FGD4: variants seen among roughly 807,000 people sequenced by gnomAD.
FGD4 encodes FYVE, RhoGEF and PH domain containing 4.
FGD4 carries 42 observed loss-of-function variants against 102.0 expected under a neutral mutation model. The observed-to-expected ratio is 0.41, with a 90% CI of 0.32 to 0.53. The LOEUF (loss-of-function observed/expected upper bound fraction) is 0.53, where lower values mean the gene tolerates loss of function less well. Ranked by LOEUF, FGD4 falls within the 20% of genes least tolerant of loss-of-function variation. The pLI, the probability that FGD4 is intolerant of heterozygous loss-of-function variation, is 0.21. For missense variants in FGD4, 902 were observed against 1,078.2 expected, an observed-to-expected ratio of 0.84 and a Z score of 2.29; for synonymous variants, 380 against 375.7, an observed-to-expected ratio of 1.01 and a Z score of -0.13.
rs116076031 is a variant in FGD4 at position 32,566,975 on chromosome 12, C to T, written c.319+2686C>T. On this transcript the variant is annotated intron_variant, in intron 2 of 16. Transcript: ENST00000534526. ...AAAGCAGATAAACTGTTAAGTCTGCCTTTCTTCCTGGTCCAGGGCGTGTAG... is the reference window on the plus strand; with the variant it reads ...AAAGCAGATAAACTGTTAAGTCTGCTTTTCTTCCTGGTCCAGGGCGTGTAG... 3.5e-3 allele frequency among the ~76,000 whole-genome samples: 527 copies of T among 152,300 alleles called. 2 individuals carry two copies. Among genetic ancestry groups the T allele is most frequent in the African/African-American group, 0.012 (501 of 41,554 alleles).
At chr12:32,420,922 C>T (rs552221730) in intron 1 of FGD4, among the ~76,000 whole-genome samples, 1 of 152,152 alleles carries the variant, frequency 6.6e-6, no homozygotes, top group Admixed American at 6.6e-5. Flanking sequence ...GACAGGGTCT[C>T]CACTCTTTCA....
At chr12:32,512,883 G>A (rs888278521) in intron 1 of FGD4, among the ~76,000 whole-genome samples, 5 of 152,288 alleles carry the variant, frequency 3.3e-5, no homozygotes, top group African/African-American at 9.6e-5. Context: ...CAGAAAGAGG[G>A]AAGGGCATGG....
In FGD4 at chr12:32,467,897, T is replaced by G. The variant is rs1466726824; in HGVS notation, c.166+67938T>G. 2.6e-5 allele frequency among the ~76,000 whole-genome samples: 4 copies of G among 152,198 alleles called. No homozygotes were observed. The East Asian group carries it at 7.7e-4, about 29-fold the overall frequency. On this transcript the variant is annotated intron_variant, in intron 1 of 16. Coordinates refer to ENST00000534526, the MANE Select transcript of FGD4 (RefSeq NM_001370298.3). ...CGAGAGTTGTGGTGGGTGCCTGTAA[T>G]CCCAGCTACTCGGGAGGCTGAGGCA...
intron 5 of FGD4, chr12:32,600,581 T>G: frequency 2.8e-6 from 1 of 360,678 alleles, no homozygotes; most frequent in Non-Finnish European, 3.8e-6. Flanking sequence ...TCTTTCTTTC[T>G]TTCTTTCTTT....
chr12:32,549,317 G>A (rs1056162384), intron 1 of FGD4, among the ~76,000 whole-genome samples: 1 of 152,126 alleles, frequency 6.6e-6, no homozygotes, highest in African/African-American at 2.4e-5. Flanking sequence ...GTTGTCCCAG[G>A]GCCTGTGGCA....
intron 1 of FGD4, chr12:32,486,134 A>AT: frequency 6.5e-7 from 1 of 1,529,676 alleles, no homozygotes; most frequent in Non-Finnish European, 8.7e-7. Context: ...AGAATCTTTT[A>AT]TGGGGGGCTG....
chr12:32,569,148 C>G (rs1206054325), intron 2 of FGD4, among the ~76,000 whole-genome samples: 3 of 152,228 alleles, frequency 2.0e-5, no homozygotes, highest in Middle Eastern at 3.4e-3. Context: ...AAAAATTTAC[C>G]TAGAATCCAA....
chr12:32,543,751 C>A (rs1943023426), intron 1 of FGD4, among the ~76,000 whole-genome samples: 1 of 152,124 alleles, frequency 6.6e-6, no homozygotes, highest in Non-Finnish European at 1.5e-5. Flanking sequence ...CTCAGCCTCC[C>A]AAGTAGCTGG....
In FGD4 at chr12:32,586,849, T is replaced by G. The variant is rs537766742; in HGVS notation, c.1011+4382T>G. On this transcript the variant is annotated intron_variant, in intron 4 of 16. Coordinates refer to ENST00000534526, the MANE Select transcript of FGD4 (RefSeq NM_001370298.3). The stretch of plus-strand genomic sequence containing the variant: ...AAAAATAAATTACATTTTGCAATAC[T>G]GAATTGAGGGGCTTCTTGGAAGTCC... Among the ~76,000 whole-genome samples, 8 of 152,284 alleles carry G rather than the reference T, an allele frequency of 5.3e-5. No homozygotes were observed. The South Asian group carries it at 1.2e-3, about 24-fold the overall frequency.
At chr12:32,624,245 C>A (rs1402458532) in intron 11 of FGD4, among the ~76,000 whole-genome samples, 177 bp from the exon 12 acceptor site, 1 of 152,138 alleles carries the variant, frequency 6.6e-6, no homozygotes, top group Non-Finnish European at 1.5e-5. Context: ...ATAGTCTGAA[C>A]CTCTACTTAA....
intron 1 of FGD4, among the ~76,000 whole-genome samples, chr12:32,547,727 G>A (rs1943336439): frequency 1.3e-5 from 2 of 152,158 alleles, no homozygotes; most frequent in African/African-American, 4.8e-5. Context: ...TCTTTTTTAA[G>A]ACGGAGTCTC....
intron 1 of FGD4, among the ~76,000 whole-genome samples, chr12:32,560,800 C>G (rs184662653): frequency 6.6e-5 from 10 of 151,432 alleles, no homozygotes; most frequent in African/African-American, 2.2e-4. Flanking sequence ...TCAAGAGATC[C>G]TCTCACCTCA....
chr12:32,472,568 C>T (rs1469899948), intron 1 of FGD4, among the ~76,000 whole-genome samples: 1 of 152,242 alleles, frequency 6.6e-6, no homozygotes, highest in African/African-American at 2.4e-5. Flanking sequence ...ATGCCTGAGC[C>T]TCCCACCCAC....
At chr12:32,496,367 A>C (rs1176106266) in intron 1 of FGD4, among the ~76,000 whole-genome samples, 1 of 152,176 alleles carries the variant, frequency 6.6e-6, no homozygotes, top group Non-Finnish European at 1.5e-5. Context: ...GCTTTTGCAG[A>C]ATGTCTGTGT....
intron 1 of FGD4, among the ~76,000 whole-genome samples, chr12:32,462,929 G>A (rs1269641275): frequency 6.6e-6 from 1 of 152,200 alleles, no homozygotes; most frequent in East Asian, 1.9e-4. Context: ...TAAAACTTCT[G>A]CTCACCCTGT....
At position 32,594,434 on chromosome 12, in the gene FGD4, T is replaced by C. The variant is rs147012248; in HGVS notation, c.1012-4063T>C. Among the ~76,000 whole-genome samples, 751 of 152,296 alleles carry C rather than the reference T, an allele frequency of 4.9e-3. 6 individuals are homozygous for C. Among genetic ancestry groups the C allele is most frequent in the African/African-American group, 0.018 (732 of 41,556 alleles). ...AGTTGCAGGAAAACAAGATCAGGTC[T>C]CCCACTGATTCAACATTATGGTGAG... On this transcript the variant is annotated intron_variant, in intron 4 of 16. Coordinates refer to ENST00000534526, the MANE Select transcript of FGD4 (RefSeq NM_001370298.3).
At chr12:32,400,693 G>A (rs1940625374) in intron 1 of FGD4, among the ~76,000 whole-genome samples, 1 of 151,950 alleles carries the variant, frequency 6.6e-6, no homozygotes, top group African/African-American at 2.4e-5. Flanking sequence ...TTTTTTCTTT[G>A]ATTTGCAAAA....
chr12:32,505,064 G>C (rs1938574347), intron 1 of FGD4, among the ~76,000 whole-genome samples: 1 of 152,102 alleles, frequency 6.6e-6, no homozygotes, highest in Admixed American at 6.6e-5. Flanking sequence ...GGTCCATTTG[G>C]CCCTTGAGCT....
At chr12:32,567,632 C>CT (rs1169848784) in intron 2 of FGD4, among the ~76,000 whole-genome samples, 3 of 149,916 alleles carry the variant, frequency 2.0e-5, no homozygotes, top group African/African-American at 7.4e-5. Flanking sequence ...GTAATTATAT[C>CT]TTTTTTTCCT....
Sources: allele counts gnomAD v4.1 joint callset (sites outside exome capture counted in the v4.1 genomes callset), GRCh38; gene constraint gnomAD v4.1.1; transcripts MANE v1.5; gene names NCBI Gene and HGNC (gene_info 2026-07-23, HGNC 2026-07-21).